THSD7B: variants seen among roughly 807,000 people sequenced by gnomAD.
THSD7B encodes thrombospondin type-1 domain-containing protein 7B.
Under a neutral mutation model 213.6 loss-of-function variants are expected in THSD7B, and 138 were observed. The ratio of observed to expected loss-of-function variants is 0.65; its 90% CI spans 0.56 to 0.74. The LOEUF (loss-of-function observed/expected upper bound fraction) is 0.74. THSD7B is among the 30% of genes least tolerant of loss of function. The probability of loss-of-function intolerance (pLI) is 0.00; values close to 1 mark genes in which losing one functional copy is unlikely to be tolerated. For missense variants in THSD7B, 1,931 were observed against 1,991.5 expected (o/e 0.97, Z 0.58); for synonymous variants, 742 against 687.0 (o/e 1.08, Z -1.25).
intron 2 of THSD7B, among the ~76,000 whole-genome samples, chr2:137,045,334 G>A (rs1013071399): frequency 6.6e-6 from 1 of 152,158 alleles, no homozygotes; most frequent in African/African-American, 2.4e-5. Flanking sequence ...TTGCACACAA[G>A]CACTGCCATA....
At chr2:137,201,825 G>A (rs1166460893) in intron 7 of THSD7B, among the ~76,000 whole-genome samples, 1 of 152,106 alleles carries the variant, frequency 6.6e-6, no homozygotes, top group Non-Finnish European at 1.5e-5. Context: ...TGGATGAGTA[G>A]CAGGATCTCA....
At chr2:137,214,917 A>T (rs1681202584) in intron 7 of THSD7B, among the ~76,000 whole-genome samples, 1 of 152,200 alleles carries the variant, frequency 6.6e-6, no homozygotes, top group Admixed American at 6.5e-5. Context: ...TCTTTATAGC[A>T]GCATGATTTA....
intron 2 of THSD7B, among the ~76,000 whole-genome samples, chr2:136,951,744 T>C (rs1327347315): frequency 6.6e-6 from 1 of 152,236 alleles, no homozygotes; most frequent in East Asian, 1.9e-4. Context: ...ACATTATAAT[T>C]GCTAGTTGGT....
chr2:137,205,587 G>T (rs1259799822), intron 7 of THSD7B, among the ~76,000 whole-genome samples: 3 of 152,010 alleles, frequency 2.0e-5, no homozygotes, highest in Non-Finnish European at 2.9e-5. Context: ...CTGTTAAGTA[G>T]ATGTGAGGCC....
At chr2:136,868,902 A>G (rs139656799) in intron 1 of THSD7B, among the ~76,000 whole-genome samples, 2 of 152,284 alleles carry the variant, frequency 1.3e-5, no homozygotes, top group African/African-American at 4.8e-5. Flanking sequence ...TAAAATATCT[A>G]CAGAAGGTAA....
intron 15 of THSD7B, among the ~76,000 whole-genome samples, chr2:137,487,101 G>C (rs1337057859): frequency 6.6e-6 from 1 of 150,494 alleles, no homozygotes. Flanking sequence ...GGGCGCGGTG[G>C]CTCACGCCTG....
At position 137,655,217 on chromosome 2, in the gene THSD7B, A is replaced by T. The variant is rs185472598; in HGVS notation, c.3946-284A>T. On this transcript the variant is annotated intron_variant, in intron 21 of 27. Coordinates refer to ENST00000409968, the MANE Select transcript of THSD7B (RefSeq NM_001316349.2). ...TCACATACAACTAGACAAATTATGT[A>T]TTGTTTTCTTTTTTAGTCAATCTTG... 4.3e-4 allele frequency among the ~76,000 whole-genome samples: 65 copies of T among 152,278 alleles called. No homozygotes were observed. In the South Asian group the frequency reaches 9.1e-3, roughly 21 times the overall value.
At chr2:137,162,963 T>A (rs989829897) in intron 6 of THSD7B, among the ~76,000 whole-genome samples, 19 of 152,176 alleles carry the variant, frequency 1.2e-4, no homozygotes, top group Admixed American at 9.8e-4. Flanking sequence ...TTTCTCCATG[T>A]TGATCAGGCT....
chr2:137,401,261 G>C (rs1378796727), intron 12 of THSD7B, among the ~76,000 whole-genome samples: 1 of 152,142 alleles, frequency 6.6e-6, no homozygotes, highest in Non-Finnish European at 1.5e-5. Flanking sequence ...GGTTGTACCT[G>C]TGGTTACTTA....
At chr2:136,854,177 TG>T (rs140588358) in intron 1 of THSD7B, among the ~76,000 whole-genome samples, 3 of 151,912 alleles carry the variant, frequency 2.0e-5, no homozygotes, top group African/African-American at 4.8e-5. Context: ...AGGAAACAGC[TG>T]GGGGGGAATA....
chr2:137,212,517 T>C (rs1573889422), intron 7 of THSD7B, among the ~76,000 whole-genome samples: 2 of 152,028 alleles, frequency 1.3e-5, no homozygotes, highest in Non-Finnish European at 2.9e-5. Context: ...AGAAATAGCA[T>C]GTAGAATAAT....
intron 12 of THSD7B, among the ~76,000 whole-genome samples, chr2:137,376,947 G>A: frequency 6.6e-6 from 1 of 152,102 alleles, no homozygotes. Context: ...CCATGATGTA[G>A]AAAGAAGGAA....
chr2:137,188,830 A>G (rs1349774166), intron 7 of THSD7B, among the ~76,000 whole-genome samples: 2 of 152,200 alleles, frequency 1.3e-5, no homozygotes, highest in African/African-American at 2.4e-5. Context: ...ATATGTATAT[A>G]TGGATATTAG....
intron 15 of THSD7B, chr2:137,452,130 T>TAA (rs375318085): frequency 3.8e-5 from 21 of 558,208 alleles, no homozygotes; most frequent in Non-Finnish European, 4.8e-5. Flanking sequence ...TCACTGAAAT[T>TAA]AAAAAAAAAT....
intron 2 of THSD7B, among the ~76,000 whole-genome samples, chr2:136,996,395 G>A (rs1685890867): frequency 6.6e-6 from 1 of 150,478 alleles, no homozygotes; most frequent in Admixed American, 6.6e-5. Flanking sequence ...TGGCTGGAGT[G>A]CCGTGACGCA....
chr2:136,960,929 A>C (rs1685206146), intron 2 of THSD7B, among the ~76,000 whole-genome samples: 1 of 151,614 alleles, frequency 6.6e-6, no homozygotes, highest in Admixed American at 6.6e-5. Context: ...CTCTACTAAA[A>C]ATACAAAAAA....
At chr2:137,219,565 T>C (rs1484568150) in intron 7 of THSD7B, among the ~76,000 whole-genome samples, 2 of 152,180 alleles carry the variant, frequency 1.3e-5, no homozygotes, top group Non-Finnish European at 2.9e-5. Flanking sequence ...AGGCCTGAGC[T>C]GAAAAATGTG....
chr2:137,136,717 C>T (rs1293816234), intron 5 of THSD7B, among the ~76,000 whole-genome samples: 3 of 152,162 alleles, frequency 2.0e-5, no homozygotes, highest in Admixed American at 1.3e-4. Flanking sequence ...AGGATTAACT[C>T]TTTCAAGTTC....
chr2:137,217,079 T>C (rs1681262655), intron 7 of THSD7B, among the ~76,000 whole-genome samples: 1 of 152,148 alleles, frequency 6.6e-6, no homozygotes, highest in African/African-American at 2.4e-5. Flanking sequence ...GAATTGTTTC[T>C]CAACACTCCC....
Sources: allele counts gnomAD v4.1 joint callset (sites outside exome capture counted in the v4.1 genomes callset), GRCh38; gene constraint gnomAD v4.1.1; transcripts MANE v1.5; gene names NCBI Gene and HGNC (gene_info 2026-07-23, HGNC 2026-07-21).